Variants in NECTIN1 observed in about 807,000 individuals in gnomAD.
NECTIN1 encodes the protein nectin-1.
NECTIN1 carries 23 observed loss-of-function variants against 48.0 expected under a neutral mutation model. That is an observed-to-expected ratio of 0.48 (90% CI 0.34 to 0.68). The LOEUF (loss-of-function observed/expected upper bound fraction) is 0.68, where lower values mean the gene tolerates loss of function less well. Ranked by LOEUF, NECTIN1 falls within the 30% of genes least tolerant of loss-of-function variation. The pLI, the probability that NECTIN1 is intolerant of heterozygous loss-of-function variation, is 0.01. For missense variants in NECTIN1, 591 were observed against 709.9 expected (o/e 0.83, Z 1.90); for synonymous variants, 270 against 288.9 (o/e 0.93, Z 0.66).
chr11:119,716,781 G>C (rs1246141628), intron 1 of NECTIN1, among the ~76,000 whole-genome samples: 1 of 152,242 alleles, frequency 6.6e-6, no homozygotes, highest in East Asian at 1.9e-4. Flanking sequence ...CAGGAGGGGG[G>C]TGAGGGCCCC....
At chr11:119,651,277 G>A (rs879664597) in intron 5 of NECTIN1, among the ~76,000 whole-genome samples, 5 of 152,124 alleles carry the variant, frequency 3.3e-5, no homozygotes, top group Non-Finnish European at 7.4e-5. Flanking sequence ...AGCCAGCTGG[G>A]GGCTCCAATT....
At chr11:119,667,701 G>C (rs1864797869) in intron 5 of NECTIN1, among the ~76,000 whole-genome samples, 1 of 152,124 alleles carries the variant, frequency 6.6e-6, no homozygotes, top group Non-Finnish European at 1.5e-5. Context: ...CCTTTTCTCT[G>C]TTCCAGCTGT....
At chr11:119,676,934 G>A (rs1864961199) in intron 4 of NECTIN1, 168 bp downstream of exon 4, 1 of 679,854 alleles carries the variant, frequency 1.5e-6, no homozygotes, top group Non-Finnish European at 2.7e-6. Flanking sequence ...TAATGTATAT[G>A]TGTGTGTTGG....
At chr11:119,711,117 C>T (rs1416633953) in intron 1 of NECTIN1, among the ~76,000 whole-genome samples, 26 of 140,218 alleles carry the variant, frequency 1.9e-4, no homozygotes, top group African/African-American at 6.7e-4. Flanking sequence ...TGGCTGGGCA[C>T]GGTGGCTCAT....
intron 1 of NECTIN1, among the ~76,000 whole-genome samples, chr11:119,705,945 C>G (rs924477360): frequency 2.0e-5 from 3 of 151,892 alleles, no homozygotes; most frequent in African/African-American, 7.3e-5. Context: ...CATCCTGGGC[C>G]TGAGAGGGAG....
intron 1 of NECTIN1, among the ~76,000 whole-genome samples, chr11:119,685,666 C>T (rs1301413299): frequency 6.6e-6 from 1 of 152,240 alleles, no homozygotes; most frequent in East Asian, 1.9e-4. Context: ...AGTCCTGAGC[C>T]AGCCTCTGAC....
intron 1 of NECTIN1, among the ~76,000 whole-genome samples, chr11:119,703,573 T>C (rs535545151): frequency 5.8e-4 from 89 of 152,300 alleles, no homozygotes; most frequent in Non-Finnish European, 9.4e-4. Flanking sequence ...CCCAACCTAC[T>C]TGCTGTACAG....
intron 5 of NECTIN1, among the ~76,000 whole-genome samples, chr11:119,649,198 G>A (rs2076730332): frequency 6.6e-6 from 1 of 152,160 alleles, no homozygotes; most frequent in South Asian, 2.1e-4. Flanking sequence ...GGCCAACATG[G>A]TGAAACCCCG....
In NECTIN1 at chr11:119,693,806, T is replaced by C. The variant is rs74573766; in HGVS notation, c.80-15041A>G. On this transcript the variant is annotated intron_variant, in intron 1 of 5. Coordinates refer to ENST00000264025, the MANE Select transcript of NECTIN1 (RefSeq NM_002855.5). ...CTTAATGAGTGAGGCCCAGCTTTAG[T>C]AGGGGCCCTCCATGTTGCAGCGCTG... Among the ~76,000 whole-genome samples the C allele has an allele frequency of 2.3e-4, 35 of 152,316 alleles. No individual in the cohort carries two copies. In the East Asian group the frequency reaches 3.7e-3, roughly 16 times the overall value.
intron 5 of NECTIN1, among the ~76,000 whole-genome samples, chr11:119,645,537 AC>A (rs1864386289): frequency 6.6e-6 from 1 of 152,148 alleles, no homozygotes; most frequent in Admixed American, 6.5e-5. Context: ...TCAGGGACCA[AC>A]AGTGGCCATC....
chr11:119,682,165 T>C (rs1436192353), intron 1 of NECTIN1, among the ~76,000 whole-genome samples: 3 of 152,052 alleles, frequency 2.0e-5, no homozygotes, highest in African/African-American at 4.8e-5. Flanking sequence ...ATTCTTTAGA[T>C]TGGGAGGTTT....
At chr11:119,652,050 C>A (rs1024098874) in intron 5 of NECTIN1, among the ~76,000 whole-genome samples, 1 of 152,162 alleles carries the variant, frequency 6.6e-6, no homozygotes, top group Non-Finnish European at 1.5e-5. Flanking sequence ...ACCTCCCTCC[C>A]GCCGGCTGCC....
At chr11:119,689,645 C>T (rs762265553) in intron 1 of NECTIN1, among the ~76,000 whole-genome samples, 5 of 152,232 alleles carry the variant, frequency 3.3e-5, no homozygotes, top group Non-Finnish European at 7.3e-5. Flanking sequence ...TCCAAACAGG[C>T]AGCAGGGCTA....
intron 5 of NECTIN1, among the ~76,000 whole-genome samples, chr11:119,649,590 C>T (rs952340647): frequency 7.3e-5 from 11 of 150,494 alleles, no homozygotes; most frequent in African/African-American, 2.2e-4. Flanking sequence ...CTTGGGAGGC[C>T]GAGACAGGAG....
exon 8 of NECTIN1, chr11:119,638,125 T>C: frequency 1.9e-6 from 3 of 1,613,688 alleles, no homozygotes; most frequent in Non-Finnish European, 2.5e-6. Flanking sequence ...GAGGTTCGGT[T>C]GTCCTTACCG....
At position 119,678,453 on chromosome 11, in the gene NECTIN1, G is replaced by A. The variant is rs377427305; in HGVS notation, c.392C>T (p.Thr131Met). The A allele has an allele frequency of 5.9e-5, 95 of 1,614,106 alleles. No homozygotes were observed. The highest frequency in any genetic ancestry group is 3.7e-4 in the African/African-American group (28 of 74,926). The change falls in exon 2 of 6, where the codon ACG (threonine) becomes ATG (methionine). Residue 131 changes from threonine (T) to methionine (M), a missense_variant. Transcript: ENST00000264025. This position sits in a 1 kb window ranked among gnomAD's most constrained non-coding sequence, Gnocchi z 4.4. ...VYICEFATFP[T>M]GNRESQLNLT... ...ATTGAGCTGGCTTTCTCGATTGCCC[G>A]TAGGGAAGGTAGCAAACTCGCAGAT...
Position 119,678,342 on chromosome 11 carries a change from G to T in NECTIN1, c.430+73C>A, listed in dbSNP as rs1864996784. ...AAGGGGGATGTCTGGGGTCATTGAG[G>T]CATCCTGAGGATGGCCACGCCCCGA... On this transcript the variant is annotated intron_variant, in intron 2 of 5. Transcript: ENST00000264025. The surrounding 1 kb of genome is among the most constrained non-coding windows in gnomAD (Gnocchi z 4.4). The T allele has an allele frequency of 2.2e-6, 3 of 1,357,756 alleles. No homozygotes were observed. Among genetic ancestry groups the T allele is most frequent in the Non-Finnish European group, 3.2e-6 (3 of 950,266 alleles). The allele number at this position is 1,357,756 out of a possible 1,614,324, so 84.1% of individuals were successfully genotyped here.
chr11:119,657,524 A>C (rs900767675), downstream of NECTIN1, among the ~76,000 whole-genome samples: 1 of 150,408 alleles, frequency 6.6e-6, no homozygotes, highest in Non-Finnish European at 1.5e-5. Flanking sequence ...CTGAGGTAGG[A>C]GAATCACTTG....
intron 5 of NECTIN1, chr11:119,674,507 C>T: frequency 6.2e-7 from 1 of 1,609,750 alleles, no homozygotes; most frequent in South Asian, 1.1e-5. Context: ...CCCCGTTTTA[C>T]AGATGGTGGG....
Sources: gnomAD v4.1 joint callset for allele counts (sites outside exome capture counted in the v4.1 genomes callset) on GRCh38, gnomAD v4.1.1 for gene constraint, Gnocchi (gnomAD v3.1) non-coding constraint, MANE v1.5 for transcripts, NCBI Gene and HGNC (gene_info 2026-07-23, HGNC 2026-07-21) for gene names.